The following MCM9 variants were observed in gnomAD, a reference collection of about 807,000 sequenced individuals.
The protein encoded by MCM9 is DNA helicase MCM9.
In MCM9, 55 loss-of-function variants were observed where a neutral mutation model predicts 72.8. The observed-to-expected ratio is 0.76, with a 90% CI of 0.61 to 0.95. MCM9 has a LOEUF of 0.95. Among genes scored for constraint, MCM9 ranks in the 40% least tolerant of loss-of-function variants. The pLI is 0.00. For missense variants in MCM9, 1,279 were observed against 1,377.0 expected (o/e 0.93, Z 1.13); for synonymous variants, 480 against 503.4 (o/e 0.95, Z 0.62).
intron 8 of MCM9, chr6:118,901,024 T>A (rs1430384861): frequency 6.5e-6 from 4 of 616,488 alleles, no homozygotes; most frequent in Non-Finnish European, 1.2e-5. Flanking sequence ...TTCCATCATG[T>A]TTTAGGCAGT....
intron 9 of MCM9, among the ~76,000 whole-genome samples, chr6:118,848,686 G>C (rs1776035184): frequency 6.7e-6 from 1 of 149,242 alleles, no homozygotes; most frequent in Non-Finnish European, 1.5e-5. Context: ...CACTTTGGGA[G>C]GCTGAGGCAG....
chr6:118,825,976 A>G (rs1310650334), intron 13 of MCM9, among the ~76,000 whole-genome samples, 171 bp downstream of exon 13: 2 of 152,186 alleles, frequency 1.3e-5, no homozygotes, highest in Non-Finnish European at 2.9e-5. Context: ...TTGATTATAC[A>G]GCAGTAGAAA....
At chr6:118,821,963 T>C (rs915521293) in intron 13 of MCM9, among the ~76,000 whole-genome samples, 40 of 152,370 alleles carry the variant, frequency 2.6e-4, no homozygotes, top group Admixed American at 2.4e-3. Flanking sequence ...TGCTGTGTTT[T>C]TCAGCTCCAT....
rs183015058 is a variant in MCM9, at chr6:118,847,530, C to G, written c.1325+8841G>C. Reference sequence around the variant, plus strand: ...GTGCTAAGGAGAGGAATAAAAATAGCCAAGAGAATAAAACAAAATACAGAT... The same window carrying G: ...GTGCTAAGGAGAGGAATAAAAATAGGCAAGAGAATAAAACAAAATACAGAT... On this transcript the variant is annotated intron_variant, in intron 9 of 13. Transcript: ENST00000619706. 1.6e-3 allele frequency among the ~76,000 whole-genome samples: 235 copies of G among 149,960 alleles called. 4 individuals are homozygous for G. The highest frequency in any genetic ancestry group is 2.9e-3 in the Non-Finnish European group (197 of 67,620).
chr6:118,899,132 T>C (rs530039403), intron 8 of MCM9, among the ~76,000 whole-genome samples: 3 of 152,328 alleles, frequency 2.0e-5, no homozygotes, highest in East Asian at 3.9e-4. Context: ...CATGCCACCA[T>C]AATTTCTTGC....
intron 9 of MCM9, among the ~76,000 whole-genome samples, chr6:118,838,572 C>T (rs1339825869): frequency 2.0e-5 from 3 of 151,992 alleles, no homozygotes; most frequent in Non-Finnish European, 4.4e-5. Flanking sequence ...CTACAGGCAC[C>T]CGCCACCACA....
chr6:118,923,967 C>G lies in MCM9; in HGVS notation c.465G>C (p.Val155=). The change falls in exon 4 of 14, where the codon GTG becomes GTC. Residue 155 remains valine (V), a synonymous_variant. Transcript: ENST00000619706. ...AATACTGCTCAAAGTCAGCCTTGATCACAAACACATGCTTGCATTTGTTAC... is the reference window on the plus strand; with the variant it reads ...AATACTGCTCAAAGTCAGCCTTGATGACAAACACATGCTTGCATTTGTTAC... ...YMCNKCKHVF[V]IKADFEQYYT... 6.2e-7 allele frequency: 1 copy of G among 1,614,182 alleles called. No individual in the cohort carries two copies. Among genetic ancestry groups the G allele is most frequent in the African/African-American group, 1.3e-5 (1 of 75,050 alleles).
intron 9 of MCM9, among the ~76,000 whole-genome samples, chr6:118,835,600 C>T (rs1368419004): frequency 6.6e-6 from 1 of 152,112 alleles, no homozygotes; most frequent in East Asian, 1.9e-4. Context: ...GTATTTTATT[C>T]TCTTTGTAGC....
At chr6:118,822,047 G>A (rs1773850227) in intron 13 of MCM9, among the ~76,000 whole-genome samples, 1 of 152,096 alleles carries the variant, frequency 6.6e-6, no homozygotes, top group South Asian at 2.1e-4. Context: ...AAGGTTCTTA[G>A]CTTCCTTGCA....
At chr6:118,840,742 C>CCT (rs1554256934) in intron 9 of MCM9, among the ~76,000 whole-genome samples, 6 of 77,770 alleles carry the variant, frequency 7.7e-5, no homozygotes, top group Admixed American at 1.5e-4. Flanking sequence ...TCCCCCCCCC[C>CCT]TTTTTTTTTT....
At chr6:118,933,934 A>G (rs1280825458) in intron 1 of MCM9, among the ~76,000 whole-genome samples, 1 of 141,384 alleles carries the variant, frequency 7.1e-6, no homozygotes, top group Non-Finnish European at 1.5e-5. Context: ...AGCACTTGGG[A>G]AGGAATATCT....
At chr6:118,897,707 TAA>T (rs1779523107) in intron 8 of MCM9, among the ~76,000 whole-genome samples, 1 of 152,018 alleles carries the variant, frequency 6.6e-6, no homozygotes, top group African/African-American at 2.4e-5. Context: ...TGTGATTAAA[TAA>T]AAGTTAACTT....
chr6:118,819,666 T>C (rs1363609380), intron 13 of MCM9, among the ~76,000 whole-genome samples: 2 of 152,218 alleles, frequency 1.3e-5, no homozygotes, highest in African/African-American at 2.4e-5. Flanking sequence ...CCTCTTTTTC[T>C]ATTGTTTGAA....
Position 118,931,618 on chromosome 6 carries a change from C to T in MCM9, c.106G>A (p.Ala36Thr), listed in dbSNP as rs767682642. 9.9e-6 allele frequency: 16 copies of T among 1,614,082 alleles called. No homozygotes were observed. The highest frequency in any genetic ancestry group is 1.4e-5 in the Non-Finnish European group (16 of 1,180,006). The change falls in exon 3 of 14, where the codon GCT (alanine) becomes ACT (threonine). Residue 36 changes from alanine to threonine, a missense_variant. Coordinates refer to ENST00000619706, the MANE Select transcript of MCM9 (RefSeq NM_017696.3). ...GCATTAACCACAACTGGGTAATGAG[C>T]ATCTTCATCCCTTTCCTTCAAGATT... ...LLILKERDED[A>T]HYPVVVNAMT...
chr6:118,858,322 T>G (rs987454809), intron 8 of MCM9, among the ~76,000 whole-genome samples: 125 of 152,280 alleles, frequency 8.2e-4, no homozygotes, highest in Non-Finnish European at 1.6e-3. Flanking sequence ...TCATTTGTGA[T>G]AAAACTCTCA....
rs188447982 is a variant in MCM9 at position 118,911,264 on chromosome 6, G to A, written c.1150+386C>T. Reference sequence around the variant, plus strand: ...AGCTACTGTTGCCTATCAGATTTATGAGCATGAAAATGCCTTAAGCTCTAT... The same window carrying A: ...AGCTACTGTTGCCTATCAGATTTATAAGCATGAAAATGCCTTAAGCTCTAT... On this transcript the variant is annotated intron_variant, in intron 8 of 13. Coordinates refer to ENST00000619706, the MANE Select transcript of MCM9 (RefSeq NM_017696.3). The A allele has an allele frequency of 1.2e-4, 120 of 989,972 alleles. No homozygotes were observed. The African/African-American group carries it at 2.0e-3, about 16-fold the overall frequency. The allele number at this position is 989,972 out of a possible 1,614,324, so 61.3% of individuals were successfully genotyped here. A position where few individuals can be genotyped will look rare whatever the true frequency, so the allele number is the denominator to read the frequency against.
chr6:118,843,669 T>TAA, intron 9 of MCM9, among the ~76,000 whole-genome samples: 1 of 48,860 alleles, frequency 2.0e-5, no homozygotes, highest in Non-Finnish European at 3.5e-5. Flanking sequence ...TATATATATA[T>TAA]GTATGTATAT....
intron 8 of MCM9, among the ~76,000 whole-genome samples, chr6:118,869,256 A>G (rs1401426180): frequency 6.6e-6 from 1 of 152,106 alleles, no homozygotes; most frequent in African/African-American, 2.4e-5. Flanking sequence ...ACCTGGGCCT[A>G]TCTGGGGGTG....
intron 8 of MCM9, among the ~76,000 whole-genome samples, chr6:118,869,599 C>CAAAAAAAAAAAA: frequency 1.2e-4 from 7 of 58,294 alleles, no homozygotes; most frequent in East Asian, 6.0e-4. Flanking sequence ...AAAGGATTTA[C>CAAAAAAAAAAAA]AAAAAAAAAA....
Sources: gnomAD v4.1 joint callset for allele counts (sites outside exome capture counted in the v4.1 genomes callset) on GRCh38, gnomAD v4.1.1 for gene constraint, MANE v1.5 for transcripts, NCBI Gene and HGNC (gene_info 2026-07-23, HGNC 2026-07-21) for gene names.